The following TAB2 variants were observed in gnomAD, a reference collection of about 807,000 sequenced individuals.
TAB2 encodes TGF-beta activated kinase 1 (MAP3K7) binding protein 2.
In TAB2, 3 loss-of-function variants were observed where a neutral mutation model predicts 65.0. The ratio of observed to expected loss-of-function variants is 0.05; its 90% CI spans 0.02 to 0.12. The LOEUF (loss-of-function observed/expected upper bound fraction) is 0.12, where lower values mean the gene tolerates loss of function less well. TAB2 is among the 10% of genes least tolerant of loss of function. The pLI is 1.00. For missense variants in TAB2, 623 were observed against 840.3 expected (o/e 0.74, Z 3.20); for synonymous variants, 298 against 285.1 (o/e 1.05, Z -0.46).
intron 6 of TAB2, among the ~76,000 whole-genome samples, chr6:149,406,518 G>T (rs1185565184): frequency 6.6e-6 from 1 of 152,094 alleles, no homozygotes; most frequent in Non-Finnish European, 1.5e-5. Context: ...ACAAGTGGCT[G>T]GCAAACAGTG....
intron 5 of TAB2, 52 bp downstream of exon 5, chr6:149,398,114 A>G (rs761884490): frequency 6.7e-7 from 1 of 1,490,688 alleles, no homozygotes; most frequent in Admixed American, 1.7e-5. Context: ...ATTCACCAGC[A>G]GTTTTTCTGT....
intron 6 of TAB2, among the ~76,000 whole-genome samples, chr6:149,405,247 T>G (rs987884837): frequency 3.3e-5 from 5 of 152,100 alleles, no homozygotes; most frequent in African/African-American, 1.2e-4. Flanking sequence ...ATGGTTACTG[T>G]GAGAAAGGTG....
At chr6:149,370,752 A>G (rs1244566045) in intron 2 of TAB2, among the ~76,000 whole-genome samples, 1 of 152,056 alleles carries the variant, frequency 6.6e-6, no homozygotes, top group African/African-American at 2.4e-5. Flanking sequence ...ATTTTATTAA[A>G]CTGGAAATCT....
chr6:149,395,050 T>C (rs1782120185), intron 3 of TAB2, among the ~76,000 whole-genome samples: 1 of 152,258 alleles, frequency 6.6e-6, no homozygotes, highest in Non-Finnish European at 1.5e-5. Flanking sequence ...GTTTACCCTT[T>C]GTTTAGAGTC....
chr6:149,223,741 T>G (rs1777206852), intron 1 of TAB2, among the ~76,000 whole-genome samples: 1 of 152,156 alleles, frequency 6.6e-6, no homozygotes, highest in Non-Finnish European at 1.5e-5. Flanking sequence ...TAGTGATGCT[T>G]TCAATGACTG....
chr6:149,299,309 C>T (rs186264983), intron 1 of TAB2, among the ~76,000 whole-genome samples: 7 of 152,314 alleles, frequency 4.6e-5, no homozygotes, highest in African/African-American at 9.6e-5. Flanking sequence ...CAATGGCTCA[C>T]GCCCGTAATC....
intron 1 of TAB2, among the ~76,000 whole-genome samples, chr6:149,268,692 T>C (rs376341367): frequency 6.6e-6 from 1 of 152,372 alleles, no homozygotes; most frequent in East Asian, 1.9e-4. Context: ...CTTTCGTATA[T>C]GTAACAAAGA....
chr6:149,265,830 G>A (rs1327130437), intron 1 of TAB2, among the ~76,000 whole-genome samples: 1 of 151,992 alleles, frequency 6.6e-6, no homozygotes, highest in African/African-American at 2.4e-5. Flanking sequence ...ACACTGACCC[G>A]CATCAGTCAC....
rs138672127 is a variant in TAB2, at chr6:149,304,830, T to C, written c.-120-73188T>C. Among the ~76,000 whole-genome samples, 255 of 152,270 alleles carry C rather than the reference T, an allele frequency of 1.7e-3. 1 individual carries two copies. Among genetic ancestry groups the C allele is most frequent in the African/African-American group, 5.9e-3 (244 of 41,554 alleles). ...AGAATACCTCCACCTCCAGTCCCCA[T>C]GCATACCAAAATCCTCAAATGCTCA... On this transcript the variant is annotated intron_variant, in intron 1 of 1. Coordinates refer to the TAB2 transcript ENST00000606202.
intron 2 of TAB2, among the ~76,000 whole-genome samples, chr6:149,371,526 A>G (rs2114862363): frequency 6.6e-6 from 1 of 152,350 alleles, no homozygotes; most frequent in South Asian, 2.1e-4. Flanking sequence ...TTAAGAGCAT[A>G]TCTTTTGGTG....
chr6:149,363,222 ATAT>A (rs1217239861), intron 1 of TAB2, among the ~76,000 whole-genome samples: 1 of 152,134 alleles, frequency 6.6e-6, no homozygotes, highest in East Asian at 1.9e-4. Flanking sequence ...GTATATATAT[ATAT>A]GGGGTAGGCA....
intron 1 of TAB2, among the ~76,000 whole-genome samples, chr6:149,233,002 C>T (rs1468267308): frequency 2.6e-5 from 4 of 152,304 alleles, no homozygotes; most frequent in African/African-American, 9.6e-5. Flanking sequence ...GTACCCACTC[C>T]CATGCCAGGG....
In TAB2 at chr6:149,397,605, T is replaced by A; in HGVS notation, c.1605T>A (p.Ala535=). ...CATGTTTACTAATGTGTGTTGCAGCTCTTTTGGTACACCAGAAGGCCAGAA... is the reference window on the plus strand; with the variant it reads ...CATGTTTACTAATGTGTGTTGCAGCACTTTTGGTACACCAGAAGGCCAGAA... ...MGSDDAAYTQ[A]LLVHQKARME... Residue 535 remains alanine (A), a splice_region_variant and synonymous_variant, in exon 4 of 7, where the codon GCT becomes GCA. Transcript: ENST00000637181. 1 of 1,614,066 alleles carries A rather than the reference T, an allele frequency of 6.2e-7. No homozygotes were observed. Among genetic ancestry groups the A allele is most frequent in the African/African-American group, 1.3e-5 (1 of 75,052 alleles).
chr6:149,321,361 G>A (rs894467363), intron 1 of TAB2: 1 of 152,060 alleles, frequency 6.6e-6, no homozygotes. Flanking sequence ...AATCAAGGAC[G>A]CTGCTTACTC....
At chr6:149,274,124 T>C (rs1778411322) in intron 1 of TAB2, among the ~76,000 whole-genome samples, 1 of 152,246 alleles carries the variant, frequency 6.6e-6, no homozygotes, top group Non-Finnish European at 1.5e-5. Context: ...CTCAAAAGTG[T>C]GGTGGAATCT....
intron 3 of TAB2, among the ~76,000 whole-genome samples, chr6:149,383,371 CAGCTCTAACAACCTTGATGGAGGTTAA>C (rs1041204246): frequency 6.6e-6 from 1 of 152,224 alleles, no homozygotes; most frequent in African/African-American, 2.4e-5. Flanking sequence ...AGCCTTCGGA[CAGCTCTAACAACCTTGATGGAGGTTAA>C]AGCTCTAACA....
chr6:149,314,851 T>C (rs1403249263), upstream of TAB2, among the ~76,000 whole-genome samples: 2 of 149,644 alleles, frequency 1.3e-5, no homozygotes, highest in Non-Finnish European at 3.0e-5. Context: ...TTGAATGTAG[T>C]CCAGGAACTA....
chr6:149,389,183 T>C (rs970616249), intron 3 of TAB2, among the ~76,000 whole-genome samples: 1 of 151,948 alleles, frequency 6.6e-6, no homozygotes, highest in African/African-American at 2.4e-5. Flanking sequence ...CTCAATCTCT[T>C]GACCTCATAA....
Position 149,410,238 on chromosome 6 carries a change from C to T in TAB2, c.*519C>T, listed in dbSNP as rs1489636650. 1 of 172,056 alleles carries T rather than the reference C, an allele frequency of 5.8e-6. No homozygotes were observed. The highest frequency in any genetic ancestry group is 5.6e-5 in the Admixed American group (1 of 17,720). 10.7% of individuals were successfully genotyped at this position (172,056 alleles called of 1,614,324 possible). A position where few individuals can be genotyped will look rare whatever the true frequency, so the allele number is the denominator to read the frequency against. On this transcript the variant is annotated 3_prime_UTR_variant, in exon 7 of 7. Transcript: ENST00000637181. ...GTGGTACTCTTGGCCTTGTCTTTGT[C>T]TTCCCTGAACGTGTCTCCACTCTGT... is the stretch of plus-strand genomic sequence containing the variant.
Sources: gnomAD v4.1 joint callset for allele counts (sites outside exome capture counted in the v4.1 genomes callset) on GRCh38, gnomAD v4.1.1 for gene constraint, MANE v1.5 for transcripts, NCBI Gene and HGNC (gene_info 2026-07-23, HGNC 2026-07-21) for gene names.